The following ZNF496 variants were observed in gnomAD, a reference collection of about 807,000 sequenced individuals.
ZNF496 encodes NSD1 (nuclear receptor binding SET-domain containing 1)-interacting zinc finger protein 1.
ZNF496 carries 11 observed loss-of-function variants against 58.9 expected under a neutral mutation model. The observed-to-expected ratio is 0.19, with a 90% CI of 0.12 to 0.31. The LOEUF (loss-of-function observed/expected upper bound fraction) is 0.31. ZNF496 is among the 10% of genes least tolerant of loss of function. The probability of loss-of-function intolerance (pLI) is 1.00; values close to 1 mark genes in which losing one functional copy is unlikely to be tolerated. For missense variants in ZNF496, 660 were observed against 783.0 expected (o/e 0.84, Z 1.88); for synonymous variants, 338 against 318.2 (o/e 1.06, Z -0.66).
chr1:247,309,893 G>A lies in ZNF496; in HGVS notation c.785-87C>T. The stretch of plus-strand genomic sequence containing the variant: ...CTGGTCCAGAAGAGAGAAGGCGGAG[G>A]GATGCCCAGCGGGCATGGCACCATC... On this transcript the variant is annotated intron_variant, in intron 7 of 9. Coordinates refer to ENST00000682384, the MANE Select transcript of ZNF496 (RefSeq NM_032752.3). The surrounding 1 kb of genome is among the most constrained non-coding windows in gnomAD (Gnocchi z 4.3). The A allele has an allele frequency of 6.7e-7, 1 of 1,496,808 alleles. No homozygotes were observed. The highest frequency in any genetic ancestry group is 2.3e-5 in the East Asian group (1 of 42,996). The allele number at this position is 1,496,808 out of a possible 1,614,324, so 92.7% of individuals were successfully genotyped here.
At chr1:247,316,033 T>A (rs11578583) in intron 6 of ZNF496, among the ~76,000 whole-genome samples, 84,879 of 151,528 alleles carry the variant, frequency 0.56, 24,204 homozygotes, top group Middle Eastern at 0.78. Flanking sequence ...CCTGTGGGAG[T>A]CAACTTGATG....
intron 6 of ZNF496, among the ~76,000 whole-genome samples, chr1:247,318,680 G>A (rs1316199025): frequency 1.3e-5 from 2 of 152,136 alleles, no homozygotes; most frequent in Non-Finnish European, 2.9e-5. Context: ...GACCTACTAA[G>A]ATGAGGAAAA....
chr1:247,320,729 A>T (rs1183886127), intron 6 of ZNF496, among the ~76,000 whole-genome samples: 1 of 152,252 alleles, frequency 6.6e-6, no homozygotes, highest in African/African-American at 2.4e-5. Flanking sequence ...GATTCATTTA[A>T]AAAGAAAAAC....
At chr1:247,322,625 A>T in intron 6 of ZNF496, 2 of 944,924 alleles carry the variant, frequency 2.1e-6, no homozygotes, top group Non-Finnish European at 2.9e-6. Context: ...CTGACTCCTC[A>T]GAGCACCCGA....
chr1:247,312,275 A>G (rs1352871272), intron 6 of ZNF496: 2 of 152,212 alleles, frequency 1.3e-5, no homozygotes, highest in Non-Finnish European at 2.9e-5. Context: ...ACACTAATAC[A>G]TAAGCACAGT....
At chr1:247,303,248 G>A (rs540218292) in intron 9 of ZNF496, among the ~76,000 whole-genome samples, 12 of 152,338 alleles carry the variant, frequency 7.9e-5, no homozygotes, top group Middle Eastern at 3.4e-3. Context: ...TCTCCAAGAC[G>A]AGAAAGGCCT....
At chr1:247,310,585 C>CCAGA in intron 6 of ZNF496, 129 bp from the exon 7 acceptor site, 1 of 1,296,772 alleles carries the variant, frequency 7.7e-7, no homozygotes, top group Non-Finnish European at 1.1e-6. Flanking sequence ...ATCTGTTCCT[C>CCAGA]ACAGTTCTGG....
At chr1:247,305,023 G>A (rs1192138906) in intron 9 of ZNF496, among the ~76,000 whole-genome samples, 1 of 152,122 alleles carries the variant, frequency 6.6e-6, no homozygotes, top group Non-Finnish European at 1.5e-5. Flanking sequence ...GGTCTTACAG[G>A]GGATGAATTG....
chr1:247,310,455 C>G lies in ZNF496; in HGVS notation c.653G>C (p.Ser218Thr). 6.2e-7 allele frequency: 1 copy of G among 1,614,160 alleles called. No individual in the cohort carries two copies. Among genetic ancestry groups the G allele is most frequent in the South Asian group, 1.1e-5 (1 of 91,086 alleles). Reference protein sequence around the residue: ...QQVTTLQLPPSRVSPFKDMIL... With the variant: ...QQVTTLQLPPTRVSPFKDMIL... ...CATGTCCTTGAATGGAGAAACCCGA[C>G]TCTGAAAGCACAGGAGAACAGGGAT... The change falls in exon 7 of 10, where the codon AGT becomes ACT. Residue 218 changes from serine to threonine, a missense_variant and splice_region_variant. Coordinates refer to ENST00000682384, the MANE Select transcript of ZNF496 (RefSeq NM_032752.3).
Position 247,300,603 on chromosome 1 carries a change from C to T in ZNF496, c.1680G>A (p.Lys560=), listed in dbSNP as rs374173407. The change falls in exon 10 of 10, where the codon AAG becomes AAA. Residue 560 remains lysine, a synonymous_variant. Coordinates refer to ENST00000682384, the MANE Select transcript of ZNF496 (RefSeq NM_032752.3). The surrounding 1 kb of genome is among the most constrained non-coding windows in gnomAD (Gnocchi z 5.7). ...ARPFQCRYCV[K]SFTQNYDLLR... is the part of the protein sequence containing the mutation. ...GGAGGTCATAGTTCTGCGTGAAGCT[C>T]TTGACGCAGTACCGGCACTGGAAGG... 47 of 1,614,020 alleles carry T rather than the reference C, an allele frequency of 2.9e-5. No homozygotes were observed. The highest frequency in any genetic ancestry group is 3.7e-5 in the Non-Finnish European group (44 of 1,180,036).
rs185105256 is a variant in ZNF496, at chr1:247,321,981, C to T, written c.651+1173G>A. On this transcript the variant is annotated intron_variant, in intron 6 of 9. Coordinates refer to ENST00000682384, the MANE Select transcript of ZNF496 (RefSeq NM_032752.3). ...CTTCCCATCCCTAGCCCTCCCTTCT[C>T]CAAGTTTAAAGTCATGTTGGCTGGG... 2.4e-4 allele frequency among the ~76,000 whole-genome samples: 37 copies of T among 152,264 alleles called. No homozygotes were observed. The East Asian group carries it at 6.2e-3, about 25-fold the overall frequency.
At chr1:247,306,798 G>A (rs558326112) in intron 9 of ZNF496, among the ~76,000 whole-genome samples, 12 of 152,282 alleles carry the variant, frequency 7.9e-5, no homozygotes, top group Non-Finnish European at 1.3e-4. Flanking sequence ...ACTGCGCCCA[G>A]CCTGAGTTCA....
At chr1:247,321,248 G>A (rs1659954375) in intron 6 of ZNF496, among the ~76,000 whole-genome samples, 1 of 152,142 alleles carries the variant, frequency 6.6e-6, no homozygotes, top group Non-Finnish European at 1.5e-5. Context: ...ACATTATGCT[G>A]AATGAAATAA....
In ZNF496 at chr1:247,308,404, G is replaced by T; in HGVS notation, c.1006+71C>A. On this transcript the variant is annotated intron_variant, in intron 9 of 9. Transcript: ENST00000682384. The surrounding 1 kb of genome is among the most constrained non-coding windows in gnomAD (Gnocchi z 4.5). ...CACAACCATCCCCTATGCCACACAT[G>T]CATACATACATTCATGCGACACACC... The T allele has an allele frequency of 7.4e-7, 1 of 1,354,536 alleles. No individual in the cohort carries two copies. The highest frequency in any genetic ancestry group is 1.1e-6 in the Non-Finnish European group (1 of 946,624). 83.9% of individuals were successfully genotyped at this position (1,354,536 alleles called of 1,614,324 possible). A position where few individuals can be genotyped will look rare whatever the true frequency, so the allele number is the denominator to read the frequency against.
rs769015231 is a variant in ZNF496 at position 247,328,831 on chromosome 1, A to G, written c.426T>C (p.Asp142=). 5.6e-6 allele frequency: 9 copies of G among 1,609,366 alleles called. No homozygotes were observed. The highest frequency in any genetic ancestry group is 7.6e-6 in the Non-Finnish European group (9 of 1,178,046). ...GCTCCTGGTCCAGAGGGCTGTCCCC[A>G]TCATCAATCACCACAGGGTCTTCAC... is the stretch of plus-strand genomic sequence containing the variant. ...KHCEDPVVID[D]GDSPLDQEQE... is the part of the protein sequence containing the mutation. The change falls in exon 5 of 10, where the codon GAT becomes GAC. Residue 142 remains aspartate (D), a synonymous_variant. Coordinates refer to ENST00000682384, the MANE Select transcript of ZNF496 (RefSeq NM_032752.3).
At chr1:247,326,309 T>C (rs1036129578) in intron 5 of ZNF496, among the ~76,000 whole-genome samples, 8 of 152,004 alleles carry the variant, frequency 5.3e-5, no homozygotes, top group Admixed American at 2.0e-4. Flanking sequence ...CTCTGATAGG[T>C]AGTGCATTCC....
chr1:247,316,885 C>G (rs889180721), intron 6 of ZNF496, among the ~76,000 whole-genome samples: 26 of 152,044 alleles, frequency 1.7e-4, no homozygotes, highest in Admixed American at 1.7e-3. Flanking sequence ...TGATCTACAG[C>G]GGGATCCTTT....
chr1:247,329,075 A>G lies in ZNF496; in HGVS notation c.390+114T>C, dbSNP rs1660231255. 4 of 1,544,674 alleles carry G rather than the reference A, an allele frequency of 2.6e-6. No individual in the cohort carries two copies. The highest frequency in any genetic ancestry group is 1.1e-5 in the South Asian group (1 of 87,446). The stretch of plus-strand genomic sequence containing the variant: ...AGGAAACTCTAGTCTGGACCTAACC[A>G]AAGTAAATGGCTCTCGATGGAACTC... On this transcript the variant is annotated intron_variant, in intron 4 of 9. Transcript: ENST00000682384. This position sits in a 1 kb window ranked among gnomAD's most constrained non-coding sequence, Gnocchi z 5.5.
chr1:247,324,807 A>T (rs1293050291), intron 5 of ZNF496, among the ~76,000 whole-genome samples: 1 of 152,230 alleles, frequency 6.6e-6, no homozygotes, highest in Non-Finnish European at 1.5e-5. Context: ...CTCCTGAAAG[A>T]GCATTTGACA....
Sources: gnomAD v4.1 joint callset for allele counts (sites outside exome capture counted in the v4.1 genomes callset) on GRCh38, gnomAD v4.1.1 for gene constraint, Gnocchi (gnomAD v3.1) non-coding constraint, MANE v1.5 for transcripts, NCBI Gene and HGNC (gene_info 2026-07-23, HGNC 2026-07-21) for gene names.